The following ZWILCH variants were observed in gnomAD, a reference collection of about 807,000 sequenced individuals.
The protein encoded by ZWILCH is protein zwilch homolog.
ZWILCH carries 74 observed loss-of-function variants against 79.9 expected under a neutral mutation model. The ratio of observed to expected loss-of-function variants is 0.93; its 90% confidence interval spans 0.77 to 1.12. The LOEUF is 1.12. ZWILCH is among the 50% of genes most tolerant of loss of function. The pLI, the probability that ZWILCH is intolerant of heterozygous loss-of-function variation, is 0.00. For synonymous variants in ZWILCH, 241 were observed against 228.2 expected (o/e 1.06, Z -0.51); for missense variants, 694 against 687.5 (o/e 1.01, Z -0.11).
intron 17 of ZWILCH, among the ~76,000 whole-genome samples, chr15:66,544,731 T>TGTGTGTGTGG (rs1895313284): frequency 6.8e-6 from 1 of 146,428 alleles, no homozygotes; most frequent in South Asian, 2.1e-4. Context: ...TTTTTGTGTG[T>TGTGTGTGTGG]GTGTGTGTGT....
rs1362682282 is a variant in ZWILCH, at chr15:66,544,618, G to A, written c.1688-1973G>A. Among the ~76,000 whole-genome samples, 3 of 152,000 alleles carry A rather than the reference G, an allele frequency of 2.0e-5. No individual in the cohort carries two copies. In the South Asian group the frequency reaches 6.2e-4, roughly 32 times the overall value. On this transcript the variant is annotated intron_variant, in intron 17 of 18. Transcript: ENST00000307897. ...GCCTCCCAAAGCCCTAGGATTACAG[G>A]TGCGAACTACTACTGCCCCCGGCCA... is the stretch of plus-strand genomic sequence containing the variant.
intron 12 of ZWILCH, 109 bp downstream of exon 12, chr15:66,529,682 C>G (rs1001477660): frequency 9.9e-6 from 8 of 804,060 alleles, no homozygotes; most frequent in Admixed American, 4.9e-5. Flanking sequence ...CTGCTACTTT[C>G]TAGCTGTGTA....
chr15:66,517,761 G>GTC (rs150837843), intron 4 of ZWILCH, among the ~76,000 whole-genome samples: 50,475 of 93,412 alleles, frequency 0.54, 14,287 homozygotes, highest in Middle Eastern at 0.72. Context: ...TTGAGACAGA[G>GTC]TCACTCTGTC....
chr15:66,521,005 A>G lies in ZWILCH; in HGVS notation c.592-45A>G, dbSNP rs1245088673. 7 of 1,597,004 alleles carry G rather than the reference A, an allele frequency of 4.4e-6. No individual in the cohort carries two copies. In the East Asian group the frequency reaches 9.0e-5, roughly 20 times the overall value. Reference sequence around the variant, plus strand: ...TAATTTGGGTAATGGACTCTTGGCCATGTGGAAGCACAGCTAAATGATCTG... The same window carrying G: ...TAATTTGGGTAATGGACTCTTGGCCGTGTGGAAGCACAGCTAAATGATCTG... On this transcript the variant is annotated intron_variant, in intron 6 of 18. Coordinates refer to ENST00000307897, the MANE Select transcript of ZWILCH (RefSeq NM_017975.5).
At position 66,544,695 on chromosome 15, in the gene ZWILCH, G is replaced by A. The variant is rs557277077; in HGVS notation, c.1688-1896G>A. 3.0e-5 allele frequency among the ~76,000 whole-genome samples: 4 copies of A among 131,728 alleles called. No homozygotes were observed. In the South Asian group the frequency reaches 7.7e-4, roughly 25 times the overall value. 86.4% of individuals were successfully genotyped at this position (131,728 alleles called of 152,430 possible). Reference sequence around the variant, plus strand: ...TATGTGAAACATTTGTGAAAAAAATGCCTTGTTTTTTTGTTGTTTTTTTGG... The same window carrying A: ...TATGTGAAACATTTGTGAAAAAAATACCTTGTTTTTTTGTTGTTTTTTTGG... On this transcript the variant is annotated intron_variant, in intron 17 of 18. Transcript: ENST00000307897.
intron 2 of ZWILCH, 35 bp from the exon 3 acceptor site, chr15:66,513,953 G>A: frequency 1.4e-6 from 2 of 1,460,042 alleles, no homozygotes; most frequent in Non-Finnish European, 1.9e-6. Flanking sequence ...ATATATAAGT[G>A]TATGTATAAT....
intron 4 of ZWILCH, among the ~76,000 whole-genome samples, chr15:66,516,321 G>C (rs962132805): frequency 6.6e-6 from 1 of 152,118 alleles, no homozygotes. Flanking sequence ...GTGTAGCTAT[G>C]TACAGTTCCC....
At chr15:66,545,579 A>C (rs1895343974) in intron 17 of ZWILCH, among the ~76,000 whole-genome samples, 1 of 152,186 alleles carries the variant, frequency 6.6e-6, no homozygotes, top group African/African-American at 2.4e-5. Context: ...TCCTTTTATG[A>C]AAATAAGGAA....
intron 17 of ZWILCH, 64 bp downstream of exon 17, chr15:66,540,274 G>A: frequency 7.3e-7 from 1 of 1,371,966 alleles, no homozygotes. Flanking sequence ...AAGTCTGGCT[G>A]GGCACAGCGG....
At chr15:66,529,306 A>G (rs1466849434) in intron 11 of ZWILCH, among the ~76,000 whole-genome samples, 188 bp from the exon 12 acceptor site, 3 of 151,628 alleles carry the variant, frequency 2.0e-5, no homozygotes, top group Non-Finnish European at 4.4e-5. Context: ...GGCAATCTGA[A>G]TTTGGTTTCT....
At chr15:66,524,197 G>T (rs932604246) in intron 8 of ZWILCH, among the ~76,000 whole-genome samples, 1 of 151,954 alleles carries the variant, frequency 6.6e-6, no homozygotes, top group Non-Finnish European at 1.5e-5. Context: ...ACCTTTTGAG[G>T]AACTGCCAAA....
intron 17 of ZWILCH, among the ~76,000 whole-genome samples, chr15:66,545,836 G>A (rs937521943): frequency 3.3e-5 from 5 of 152,162 alleles, no homozygotes; most frequent in African/African-American, 1.2e-4. Context: ...TTCGAAGATC[G>A]TATGCTTTTA....
In ZWILCH at chr15:66,527,864, T is replaced by C. The variant is rs1595915161; in HGVS notation, c.921T>C (p.Asn307=). Residue 307 remains asparagine, a synonymous_variant, in exon 10 of 19, where the codon AAT becomes AAC. Transcript: ENST00000307897. ...ELVQEFLNDL[N]KLDGFGDSTK... ...ACTTTTGCCACTTTCTAGACTTAAA[T>C]AAGCTGGATGGATTTGGTGATTCTA... The C allele has an allele frequency of 9.4e-6, 15 of 1,599,278 alleles. No homozygotes were observed. Among genetic ancestry groups the C allele is most frequent in the Non-Finnish European group, 1.3e-5 (15 of 1,176,548 alleles).
At chr15:66,513,824 G>A (rs989363022) in intron 2 of ZWILCH, 164 bp from the exon 3 acceptor site, 53 of 378,130 alleles carry the variant, frequency 1.4e-4, no homozygotes, top group African/African-American at 8.7e-4. Flanking sequence ...ACCTGCCTGG[G>A]CCTCCCGAAG....
intron 17 of ZWILCH, among the ~76,000 whole-genome samples, chr15:66,544,452 G>A (rs762497155): frequency 9.3e-5 from 14 of 151,278 alleles, no homozygotes; most frequent in Non-Finnish European, 1.3e-4. Context: ...CTACTTCAGC[G>A]TCCCAAGTAG....
intron 5 of ZWILCH, among the ~76,000 whole-genome samples, chr15:66,519,770 C>T (rs1048146650): frequency 6.6e-6 from 1 of 152,170 alleles, no homozygotes; most frequent in Non-Finnish European, 1.5e-5. Flanking sequence ...AGGCATGAGC[C>T]ACCGTGCCCA....
chr15:66,520,475 AAC>A, intron 5 of ZWILCH, 113 bp from the exon 6 acceptor site: 2 of 662,190 alleles, frequency 3.0e-6, no homozygotes, highest in South Asian at 1.7e-5. Flanking sequence ...ATTTAATTTT[AAC>A]AGTTATTTTG....
chr15:66,538,591 C>T (rs112219164), intron 16 of ZWILCH, among the ~76,000 whole-genome samples: 3,377 of 152,210 alleles, frequency 0.022, 46 homozygotes, highest in South Asian at 0.056. Context: ...CCATGTTGGC[C>T]AGGCTGGTCT....
chr15:66,514,274 C>A, intron 3 of ZWILCH, 191 bp downstream of exon 3: 1 of 345,078 alleles, frequency 2.9e-6, no homozygotes, highest in East Asian at 4.9e-5. Flanking sequence ...TTTCTTGTAG[C>A]CTCATTAAGA....
Sources: allele counts gnomAD v4.1 joint callset (sites outside exome capture counted in the v4.1 genomes callset), GRCh38; gene constraint gnomAD v4.1.1; transcripts MANE v1.5; gene names NCBI Gene and HGNC (gene_info 2026-07-23, HGNC 2026-07-21).